The following NCS1 variants were observed in gnomAD, a reference collection of about 807,000 sequenced individuals.
NCS1 encodes the protein frequenin homolog.
Under a neutral mutation model 28.4 loss-of-function variants are expected in NCS1, and 6 were observed. The observed-to-expected ratio is 0.21, with a 90% CI of 0.12 to 0.42. The LOEUF is 0.42. NCS1 is among the 10% of genes least tolerant of loss of function. The probability of loss-of-function intolerance (pLI) is 1.00; values close to 1 mark genes in which losing one functional copy is unlikely to be tolerated. For missense variants in NCS1, 131 were observed against 241.4 expected, an observed-to-expected ratio of 0.54 and a Z score of 3.03; for synonymous variants, 86 against 99.3, an observed-to-expected ratio of 0.87 and a Z score of 0.79.
chr9:130,176,379 A>G lies in NCS1; in HGVS notation c.64+3652A>G, dbSNP rs528255238. Reference sequence around the variant, plus strand: ...GGCTAATTAAAAACATTTTTTTTGTAGAGTTAGGGTCTTGCCCTTTTGCCT... The same window carrying G: ...GGCTAATTAAAAACATTTTTTTTGTGGAGTTAGGGTCTTGCCCTTTTGCCT... On this transcript the variant is annotated intron_variant, in intron 1 of 7. Transcript: ENST00000372398. Among the ~76,000 whole-genome samples the G allele has an allele frequency of 5.9e-4, 90 of 151,752 alleles. No homozygotes were observed. The South Asian group carries it at 0.018, about 30-fold the overall frequency.
rs570940440 is a variant in NCS1 at position 130,194,129 on chromosome 9, C to T, written c.65-6829C>T. ...GAAGCCAGCGCCGGGAGGGGGCTGC[C>T]AGCCCCTGCCTTTTGCTCCCACCAT... On this transcript the variant is annotated intron_variant, in intron 1 of 7. Transcript: ENST00000372398. Among the ~76,000 whole-genome samples, 3 of 152,332 alleles carry T rather than the reference C, an allele frequency of 2.0e-5. No individual in the cohort carries two copies. The East Asian group carries it at 5.8e-4, about 30-fold the overall frequency.
At chr9:130,231,732 C>T (rs1833504277) in intron 7 of NCS1, among the ~76,000 whole-genome samples, 1 of 151,904 alleles carries the variant, frequency 6.6e-6, no homozygotes, top group African/African-American at 2.4e-5. Context: ...AGTGGAGTTG[C>T]TGGGTCATAT....
chr9:130,218,186 C>T (rs1310791687), intron 3 of NCS1, among the ~76,000 whole-genome samples: 2 of 152,234 alleles, frequency 1.3e-5, no homozygotes, highest in African/African-American at 4.8e-5. Flanking sequence ...CAAATGCATG[C>T]ACATGTGTGC....
In NCS1 at chr9:130,234,146, T is replaced by G. The variant is rs1588129642; in HGVS notation, c.*1174T>G. 4 of 152,236 alleles carry G rather than the reference T, an allele frequency of 2.6e-5. 1 individual carries two copies. In the South Asian group the frequency reaches 8.3e-4, roughly 32 times the overall value. 9.4% of individuals were successfully genotyped at this position (152,236 alleles called of 1,614,324 possible). A position where few individuals can be genotyped will look rare whatever the true frequency, so the allele number is the denominator to read the frequency against. The stretch of plus-strand genomic sequence containing the variant: ...GAAATCAAGGGGACCCCCGCCTCCT[T>G]GGGCTGGGGAGGGGATTTCAAGATA... On this transcript the variant is annotated 3_prime_UTR_variant, in exon 8 of 8. Coordinates refer to ENST00000372398, the MANE Select transcript of NCS1 (RefSeq NM_014286.4). The surrounding 1 kb of genome is among the most constrained non-coding windows in gnomAD (Gnocchi z 6.1).
At chr9:130,221,520 C>T (rs1554910467) in intron 4 of NCS1, among the ~76,000 whole-genome samples, 2 of 145,000 alleles carry the variant, frequency 1.4e-5, no homozygotes, top group African/African-American at 2.5e-5. Context: ...TTGCAACCTT[C>T]GCCTCCTGGG....
chr9:130,207,629 A>G (rs1833045079), intron 2 of NCS1, among the ~76,000 whole-genome samples: 1 of 152,208 alleles, frequency 6.6e-6, no homozygotes, highest in Non-Finnish European at 1.5e-5. Context: ...CTGGGCCGCA[A>G]AGTCAGTAGA....
rs1261371224 is a variant in NCS1 at position 130,175,199 on chromosome 9, G to A, written c.64+2472G>A. Among the ~76,000 whole-genome samples, 4 of 152,080 alleles carry A rather than the reference G, an allele frequency of 2.6e-5. No individual in the cohort carries two copies. Among genetic ancestry groups the A allele is most frequent in the Non-Finnish European group, 5.9e-5 (4 of 68,026 alleles). On this transcript the variant is annotated intron_variant, in intron 1 of 7. Coordinates refer to ENST00000372398, the MANE Select transcript of NCS1 (RefSeq NM_014286.4). This position sits in a 1 kb window ranked among gnomAD's most constrained non-coding sequence, Gnocchi z 4.9. The stretch of plus-strand genomic sequence containing the variant: ...ACAGCTGTGTTCCCCCCATGTGTTG[G>A]CCTTTAGTAGGTTCACAGAATGAAA...
chr9:130,177,009 CAG>C lies in NCS1; in HGVS notation c.64+4283_64+4284del, dbSNP rs1471054529. On this transcript the variant is annotated intron_variant, in intron 1 of 7. Coordinates refer to ENST00000372398, the MANE Select transcript of NCS1 (RefSeq NM_014286.4). The surrounding 1 kb of genome is among the most constrained non-coding windows in gnomAD (Gnocchi z 4.4). The stretch of plus-strand genomic sequence containing the variant: ...TCCCAGGGACCCTCGGTCTGGGACT[CAG>C]GGGTGGCCACCTCCTCCCTGTTGCC... 5.3e-5 allele frequency among the ~76,000 whole-genome samples: 8 copies of C among 152,340 alleles called. No homozygotes were observed. Among genetic ancestry groups the C allele is most frequent in the Admixed American group, 4.6e-4 (7 of 15,308 alleles).
intron 1 of NCS1, among the ~76,000 whole-genome samples, chr9:130,194,214 C>G (rs996145250): frequency 2.6e-4 from 39 of 152,200 alleles, no homozygotes; most frequent in African/African-American, 8.9e-4. Flanking sequence ...CAAAATCAGA[C>G]TTAACATCCT....
rs1554909953 is a variant in NCS1 at position 130,219,739 on chromosome 9, G to A, written c.243G>A (p.Glu81=). The change falls in exon 4 of 8, where the codon GAG becomes GAA. Residue 81 remains glutamate (E), a synonymous_variant. Coordinates refer to ENST00000372398, the MANE Select transcript of NCS1 (RefSeq NM_014286.4). The surrounding 1 kb of genome is among the most constrained non-coding windows in gnomAD (Gnocchi z 5.7). ...TCTCCTGTCAGGACGGGCGAATTGA[G>A]TTCTCCGAGTTCATCCAGGCGCTGT... The part of the protein sequence containing the change: ...VFDENKDGRI[E]FSEFIQALSV... 6.8e-6 allele frequency: 11 copies of A among 1,614,220 alleles called. No homozygotes were observed. Among genetic ancestry groups the A allele is most frequent in the Non-Finnish European group, 9.3e-6 (11 of 1,180,028 alleles).
chr9:130,226,556 A>T lies in NCS1; in HGVS notation c.*17+52A>T. On this transcript the variant is annotated intron_variant, in intron 7 of 7. Coordinates refer to ENST00000372398, the MANE Select transcript of NCS1 (RefSeq NM_014286.4). The surrounding 1 kb of genome is among the most constrained non-coding windows in gnomAD (Gnocchi z 4.8). ...GGGTCTGGGATGGGTCAGGGGTGAA[A>T]ACCCAGCAGCAGGACACCTACGGTT... 1 of 1,368,322 alleles carries T rather than the reference A, an allele frequency of 7.3e-7. No homozygotes were observed. Among genetic ancestry groups the T allele is most frequent in the Non-Finnish European group, 1.0e-6 (1 of 975,754 alleles). The allele number at this position is 1,368,322 out of a possible 1,614,324, so 84.8% of individuals were successfully genotyped here.
At chr9:130,223,189 A>G in intron 6 of NCS1, 30 bp downstream of exon 6, 1 of 1,596,928 alleles carries the variant, frequency 6.3e-7, no homozygotes, top group Non-Finnish European at 8.6e-7. Flanking sequence ...CTGGTCCTGG[A>G]CCAGGGAGGC....
chr9:130,212,466 G>C (rs1455675876), intron 2 of NCS1, among the ~76,000 whole-genome samples: 1 of 149,928 alleles, frequency 6.7e-6, no homozygotes, highest in Non-Finnish European at 1.5e-5. Flanking sequence ...GGCCCCGAAC[G>C]TCAGGAGTGC....
chr9:130,213,650 A>G (rs10988642), intron 2 of NCS1, among the ~76,000 whole-genome samples: 37,464 of 150,340 alleles, frequency 0.25, 4,928 homozygotes, highest in Admixed American at 0.33. Context: ...CAGTGGCGTG[A>G]TCTCGGCTCA....
chr9:130,206,611 C>CGCTGGCCAG (rs1200210573), intron 2 of NCS1, among the ~76,000 whole-genome samples: 2 of 151,946 alleles, frequency 1.3e-5, no homozygotes, highest in Non-Finnish European at 2.9e-5. Flanking sequence ...GATTTCACCA[C>CGCTGGCCAG]GCTGGCCAGG....
chr9:130,200,297 G>A (rs144224940), intron 1 of NCS1: 1 of 467,038 alleles, frequency 2.1e-6, no homozygotes, highest in Non-Finnish European at 3.8e-6. Flanking sequence ...TTCAGAAAAA[G>A]CATTTTTGTT....
chr9:130,220,153 C>A (rs1833255838), intron 4 of NCS1, among the ~76,000 whole-genome samples: 1 of 152,204 alleles, frequency 6.6e-6, no homozygotes, highest in Non-Finnish European at 1.5e-5. Context: ...TGCACTCGGG[C>A]AGGTGCAGAC....
At chr9:130,193,755 G>C (rs1264622554) in intron 1 of NCS1, 1 of 153,278 alleles carries the variant, frequency 6.5e-6, no homozygotes, top group Non-Finnish European at 1.5e-5. Context: ...CTGGGAGATT[G>C]AGCACAGGAG....
At chr9:130,198,694 A>G (rs552499241) in intron 1 of NCS1, among the ~76,000 whole-genome samples, 11 of 152,202 alleles carry the variant, frequency 7.2e-5, no homozygotes, top group Non-Finnish European at 1.6e-4. Context: ...CAACAATCCC[A>G]TTTCACAGAT....
Sources: allele counts gnomAD v4.1 joint callset (sites outside exome capture counted in the v4.1 genomes callset), GRCh38; gene constraint gnomAD v4.1.1; non-coding constraint Gnocchi (gnomAD v3.1); transcripts MANE v1.5; gene names NCBI Gene and HGNC (gene_info 2026-07-23, HGNC 2026-07-21).